The following CDHR5 variants were observed in gnomAD, a reference collection of about 807,000 sequenced individuals.
CDHR5 encodes cadherin-related family member 5.
Under a neutral mutation model 69.5 loss-of-function variants are expected in CDHR5, and 82 were observed. The observed-to-expected ratio is 1.18, with a 90% CI of 0.99 to 1.42. The LOEUF (loss-of-function observed/expected upper bound fraction) is 1.42, where lower values mean the gene tolerates loss of function less well. Ranked by LOEUF, CDHR5 falls within the 40% of genes most tolerant of loss-of-function variation. CDHR5 has a pLI of 0.00. For synonymous variants in CDHR5, 601 were observed against 510.2 expected, an observed-to-expected ratio of 1.18 and a Z score of -2.40; for missense variants, 1,293 against 1,168.9, an observed-to-expected ratio of 1.11 and a Z score of -1.55.
chr11:620,230 C>T (rs957205515), intron 8 of CDHR5, 66 bp from the exon 9 acceptor site: 2 of 1,586,716 alleles, frequency 1.3e-6, no homozygotes, highest in African/African-American at 2.7e-5. Flanking sequence ...CAGCTCTGCC[C>T]AAGGTGGGGA....
At position 617,236 on chromosome 11, in the gene CDHR5, GC is replaced by G; in HGVS notation, c.*114del. Reference sequence around the variant, plus strand: ...GGGACCCCCATGGACCCGCGCGCCTGCCCCACGCCATGGCCTGGGTTTCGGG... The same window carrying G: ...GGGACCCCCATGGACCCGCGCGCCTGCCCACGCCATGGCCTGGGTTTCGGG... On this transcript the variant is annotated 3_prime_UTR_variant, in exon 15 of 15. Transcript: ENST00000397542. 1 of 811,676 alleles carries G rather than the reference GC, an allele frequency of 1.2e-6. No homozygotes were observed. The highest frequency in any genetic ancestry group is 2.6e-5 in the Admixed American group (1 of 37,932). 50.3% of individuals were successfully genotyped at this position (811,676 alleles called of 1,614,324 possible).
chr11:618,471 C>A, intron 13 of CDHR5, 128 bp downstream of exon 13: 1 of 1,166,662 alleles, frequency 8.6e-7, no homozygotes, highest in Non-Finnish European at 1.2e-6. Flanking sequence ...GTCTGTCAGT[C>A]CCAAACAGAC....
Position 621,731 on chromosome 11 carries a change from C to T in CDHR5, c.406-68G>A. The T allele has an allele frequency of 6.4e-7, 1 of 1,550,826 alleles. No homozygotes were observed. The highest frequency in any genetic ancestry group is 8.9e-7 in the Non-Finnish European group (1 of 1,123,822). Reference sequence around the variant, plus strand: ...CTGTGGACCCCCACTGTGGTTGAGCCCCCGGCCACCACTCACCTCCTGCCC... The same window carrying T: ...CTGTGGACCCCCACTGTGGTTGAGCTCCCGGCCACCACTCACCTCCTGCCC... On this transcript the variant is annotated intron_variant, in intron 4 of 14. Coordinates refer to ENST00000397542, the MANE Select transcript of CDHR5 (RefSeq NM_021924.5). The surrounding 1 kb of genome is among the most constrained non-coding windows in gnomAD (Gnocchi z 4.4).
rs1234305196 is a variant in CDHR5 at position 617,552 on chromosome 11, G to C, written c.2337C>G (p.Thr779=). 1.9e-6 allele frequency: 3 copies of C among 1,612,258 alleles called. No homozygotes were observed. The highest frequency in any genetic ancestry group is 1.1e-5 in the South Asian group (1 of 91,078). ...GSPTAVRSIL[T]KERRPEGGYK... ...ACCCGCCCTCCGGCCGCCGCTCCTT[G>C]GTCAGGATGGACCTCACCGCCGTGG... Residue 779 remains threonine (T), a synonymous_variant, in exon 15 of 15, where the codon ACC becomes ACG. Coordinates refer to ENST00000397542, the MANE Select transcript of CDHR5 (RefSeq NM_021924.5).
rs1431493518 is a variant in CDHR5 at position 620,138 on chromosome 11, G to A, written c.907C>T (p.His303Tyr). Residue 303 changes from histidine (H) to tyrosine (Y), a missense_variant, in exon 9 of 15, where the codon CAC becomes TAC. His to Tyr is a moderately conservative substitution (Grantham distance 83). Coordinates refer to ENST00000397542, the MANE Select transcript of CDHR5 (RefSeq NM_021924.5). ...RGNVNGTFII[H>Y]PDSGNLTVAR... ...ACGGTGAGGTTGCCCGAGTCTGGGT[G>A]GATGATGAATGTACCATTCACGTTT... 1.9e-6 allele frequency: 3 copies of A among 1,613,490 alleles called. No homozygotes were observed. The highest frequency in any genetic ancestry group is 4.5e-5 in the East Asian group (2 of 44,864).
Position 621,794 on chromosome 11 carries a change from C to T in CDHR5, c.405+18G>A, listed in dbSNP as rs147344999. 14 of 1,607,840 alleles carry T rather than the reference C, an allele frequency of 8.7e-6. No individual in the cohort carries two copies. Among genetic ancestry groups the T allele is most frequent in the East Asian group, 2.2e-5 (1 of 44,862 alleles). ...CCCACACCCCCGTGCCCAGTCCCCG[C>T]GGCTTCGCTGGCCTCACCTCCTCCA... On this transcript the variant is annotated intron_variant, in intron 4 of 14. Coordinates refer to ENST00000397542, the MANE Select transcript of CDHR5 (RefSeq NM_021924.5). The surrounding 1 kb of genome is among the most constrained non-coding windows in gnomAD (Gnocchi z 4.4).
rs760663910 is a variant in CDHR5, at chr11:617,569, C to T, written c.2320G>A (p.Val774Met). Residue 774 changes from valine to methionine, a missense_variant, in exon 15 of 15, where the codon GTG becomes ATG. Transcript: ENST00000397542. ...AARAGGSPTA[V>M]RSILTKERRP... is the part of the protein sequence containing the mutation. ...CGCTCCTTGGTCAGGATGGACCTCA[C>T]CGCCGTGGGGCTTCCGCCAGCTCGG... 1 of 1,611,832 alleles carries T rather than the reference C, an allele frequency of 6.2e-7. No homozygotes were observed.
rs369395591 is a variant in CDHR5 at position 621,834 on chromosome 11, G to T, written c.383C>A (p.Thr128Asn). 6.2e-7 allele frequency: 1 copy of T among 1,613,514 alleles called. No homozygotes were observed. The highest frequency in any genetic ancestry group is 8.5e-7 in the Non-Finnish European group (1 of 1,179,716). ...CACCTCCTCCACCCTTATCTCCTTGGTCTTAAAGGGGAATTCGGGGGCATT... is the reference window on the plus strand; with the variant it reads ...CACCTCCTCCACCCTTATCTCCTTGTTCTTAAAGGGGAATTCGGGGGCATT... ...NDNAPEFPFK[T>N]KEIRVEEDTK... Residue 128 changes from threonine (T) to asparagine (N), a missense_variant, in exon 4 of 15, where the codon ACC (threonine) becomes AAC (asparagine). Thr to Asn is a moderately conservative substitution (Grantham distance 65). Coordinates refer to ENST00000397542, the MANE Select transcript of CDHR5 (RefSeq NM_021924.5). This position sits in a 1 kb window ranked among gnomAD's most constrained non-coding sequence, Gnocchi z 4.4.
In CDHR5 at chr11:621,358, CAGA is replaced by C. The variant is rs1857371853; in HGVS notation, c.602_604del (p.Phe201del). 1 of 1,613,294 alleles carries C rather than the reference CAGA, an allele frequency of 6.2e-7. No homozygotes were observed. The highest frequency in any genetic ancestry group is 8.5e-7 in the Non-Finnish European group (1 of 1,179,936). On this transcript the variant is annotated inframe_deletion, in exon 6 of 15. Transcript: ENST00000397542. The surrounding 1 kb of genome is among the most constrained non-coding windows in gnomAD (Gnocchi z 4.4). ...TGACCTGCTCACCCGCACCAGCAGCCAGAAGGTCATGTTCGGCCGCTCGTAGAA... is the reference window on the plus strand; with the variant it reads ...TGACCTGCTCACCCGCACCAGCAGCCAGGTCATGTTCGGCCGCTCGTAGAA...
intron 7 of CDHR5, 152 bp downstream of exon 7, chr11:620,928 C>T (rs1857335688): frequency 3.4e-6 from 2 of 589,654 alleles, no homozygotes; most frequent in Non-Finnish European, 5.7e-6. Flanking sequence ...GGTTGGTTTA[C>T]AAGGAGAGTC....
chr11:619,921 G>A lies in CDHR5; in HGVS notation c.979-40C>T. 3 of 1,486,566 alleles carry A rather than the reference G, an allele frequency of 2.0e-6. No individual in the cohort carries two copies. In the Admixed American group the frequency reaches 6.1e-5, roughly 30 times the overall value. 92.1% of individuals were successfully genotyped at this position (1,486,566 alleles called of 1,614,324 possible). On this transcript the variant is annotated intron_variant, in intron 9 of 14. Coordinates refer to ENST00000397542, the MANE Select transcript of CDHR5 (RefSeq NM_021924.5). ...GGCAGCAGTGACTAGTGGGGTTGAA[G>A]GTGGAGCTGGCGCTGAAGGCTGGGG...
Position 619,702 on chromosome 11 carries a change from C to T in CDHR5, c.1158G>A (p.Gln386=), listed in dbSNP as rs1448853329. The T allele has an allele frequency of 6.2e-7, 1 of 1,613,350 alleles. No homozygotes were observed. Among genetic ancestry groups the T allele is most frequent in the South Asian group, 1.1e-5 (1 of 91,078 alleles). Residue 386 remains glutamine (Q), a synonymous_variant, in exon 10 of 15, where the codon CAG becomes CAA. Coordinates refer to ENST00000397542, the MANE Select transcript of CDHR5 (RefSeq NM_021924.5). ...AAAPSQPLRI[Q]AQDPEFSDLN... ...CTACCGAGAACTCCGGGTCCTGAGC[C>T]TGGATCCTCAGAGGCTGAGAAGGGG...
Position 621,383 on chromosome 11 carries a change from A to T in CDHR5, c.580T>A (p.Tyr194Asn). 1.2e-6 allele frequency: 2 copies of T among 1,613,242 alleles called. No homozygotes were observed. Among genetic ancestry groups the T allele is most frequent in the East Asian group, 2.2e-5 (1 of 44,878 alleles). ...ALRLDRPLDF[Y>N]ERPNMTFWLL... The stretch of plus-strand genomic sequence containing the variant: ...CAGAAGGTCATGTTCGGCCGCTCGT[A>T]GAAGTCCAGGGGCCGGTCCAGCCTC... Residue 194 changes from tyrosine (Y) to asparagine (N), a missense_variant, in exon 6 of 15, where the codon TAC becomes AAC. Tyr to Asn is a moderately radical substitution (Grantham distance 143, BLOSUM62 -2). Transcript: ENST00000397542. This position sits in a 1 kb window ranked among gnomAD's most constrained non-coding sequence, Gnocchi z 4.4.
At chr11:618,540 G>T in intron 13 of CDHR5, 59 bp downstream of exon 13, 1 of 1,589,858 alleles carries the variant, frequency 6.3e-7, no homozygotes, top group Non-Finnish European at 8.6e-7. Flanking sequence ...TTCCTACAGC[G>T]TTTCCCATAC....
rs1486781904 is a variant in CDHR5, at chr11:624,545, T to G, written c.261+12A>C. ...CCGGGACCCCCATATCCCGCCCGCC[T>G]GCCGCCCACACCTCGTAATCAGGAG... On this transcript the variant is annotated intron_variant, in intron 2 of 14. Transcript: ENST00000397542. The surrounding 1 kb of genome is among the most constrained non-coding windows in gnomAD (Gnocchi z 5.3). 3 of 1,605,104 alleles carry G rather than the reference T, an allele frequency of 1.9e-6. No individual in the cohort carries two copies. The highest frequency in any genetic ancestry group is 2.2e-5 in the East Asian group (1 of 44,732).
chr11:617,563 A>T lies in CDHR5; in HGVS notation c.2326T>A (p.Ser776Thr). The T allele has an allele frequency of 6.2e-7, 1 of 1,611,644 alleles. No individual in the cohort carries two copies. The highest frequency in any genetic ancestry group is 8.5e-7 in the Non-Finnish European group (1 of 1,179,378). ...GGCCGCCGCTCCTTGGTCAGGATGG[A>T]CCTCACCGCCGTGGGGCTTCCGCCA... ...RAGGSPTAVR[S>T]ILTKERRPEG... Residue 776 changes from serine (S) to threonine (T), a missense_variant, in exon 15 of 15, where the codon TCC (serine) becomes ACC (threonine). By Grantham distance (58) the Ser-to-Thr change is moderately conservative (BLOSUM62 1). Coordinates refer to ENST00000397542, the MANE Select transcript of CDHR5 (RefSeq NM_021924.5).
Position 621,339 on chromosome 11 carries a change from G to C in CDHR5, c.618+6C>G. On this transcript the variant is annotated splice_donor_region_variant and intron_variant, in intron 6 of 14. Transcript: ENST00000397542. This position sits in a 1 kb window ranked among gnomAD's most constrained non-coding sequence, Gnocchi z 4.4. ...GTGGGACTCGGGGCTGGGGTGACCT[G>C]CTCACCCGCACCAGCAGCCAGAAGG... 2 of 1,612,510 alleles carry C rather than the reference G, an allele frequency of 1.2e-6. No homozygotes were observed. Among genetic ancestry groups the C allele is most frequent in the Non-Finnish European group, 1.7e-6 (2 of 1,179,474 alleles).
In CDHR5 at chr11:624,043, C is replaced by A. The variant is rs1339717395; in HGVS notation, c.312+170G>T. ...GGACAAGGGGTCAGTGACGGGGACT[C>A]CACAGCTCAGGGCAGAGTCTGGACT... On this transcript the variant is annotated intron_variant, in intron 3 of 14. Coordinates refer to ENST00000397542, the MANE Select transcript of CDHR5 (RefSeq NM_021924.5). This position sits in a 1 kb window ranked among gnomAD's most constrained non-coding sequence, Gnocchi z 5.3. 1.3e-5 allele frequency among the ~76,000 whole-genome samples: 2 copies of A among 152,030 alleles called. No homozygotes were observed. Among genetic ancestry groups the A allele is most frequent in the African/African-American group, 4.8e-5 (2 of 41,388 alleles).
In CDHR5 at chr11:621,239, C is replaced by A; in HGVS notation, c.630G>T (p.Gly210=). Reference sequence around the variant, plus strand: ...CAGTGTGGCTGGGTTCCACATTCTCCCCCGGAGTGTCCTGCAACAGACGGC... The same window carrying A: ...CAGTGTGGCTGGGTTCCACATTCTCACCCGGAGTGTCCTGCAACAGACGGC... The part of the protein sequence containing the change: ...TFWLLVRDTP[G]ENVEPSHTAT... The change falls in exon 7 of 15, where the codon GGG becomes GGT. Residue 210 remains glycine (G), a synonymous_variant. Transcript: ENST00000397542. The surrounding 1 kb of genome is among the most constrained non-coding windows in gnomAD (Gnocchi z 4.4). The A allele has an allele frequency of 6.3e-7, 1 of 1,599,116 alleles. No homozygotes were observed. Among genetic ancestry groups the A allele is most frequent in the African/African-American group, 1.3e-5 (1 of 74,878 alleles).
Sources: allele counts gnomAD v4.1 joint callset (sites outside exome capture counted in the v4.1 genomes callset), GRCh38; gene constraint gnomAD v4.1.1; non-coding constraint Gnocchi (gnomAD v3.1); transcripts MANE v1.5; gene names NCBI Gene and HGNC (gene_info 2026-07-23, HGNC 2026-07-21).